ITSN1: variants seen among roughly 807,000 people sequenced by gnomAD.
The protein encoded by ITSN1 is intersectin-1.
ITSN1 carries 58 observed loss-of-function variants against 239.8 expected under a neutral mutation model. The ratio of observed to expected loss-of-function variants is 0.24; its 90% CI spans 0.20 to 0.30. The LOEUF is 0.30. ITSN1 is among the 10% of genes least tolerant of loss of function. The pLI is 1.00. For missense variants in ITSN1, 1,558 were observed against 2,103.3 expected, an observed-to-expected ratio of 0.74 and a Z score of 5.07; for synonymous variants, 780 against 770.8, an observed-to-expected ratio of 1.01 and a Z score of -0.20.
At chr21:33,761,664 C>A (rs1260127504) in intron 8 of ITSN1, among the ~76,000 whole-genome samples, 1 of 152,176 alleles carries the variant, frequency 6.6e-6, no homozygotes, top group Admixed American at 6.5e-5. Context: ...AACTCTAAAT[C>A]TTTCACATGG....
In ITSN1 at chr21:33,826,820, C is replaced by A; in HGVS notation, c.3186C>A (p.Gly1062=). 2 of 1,613,718 alleles carry A rather than the reference C, an allele frequency of 1.2e-6. No individual in the cohort carries two copies. Among genetic ancestry groups the A allele is most frequent in the Non-Finnish European group, 8.5e-7 (1 of 1,179,726 alleles). Residue 1062 remains glycine, a splice_region_variant and synonymous_variant, in exon 26 of 40, where the codon GGC becomes GGA. Coordinates refer to ENST00000381318, the MANE Select transcript of ITSN1 (RefSeq NM_003024.3). ...SNYVRLKDSE[G]SGTAGKTGSL... is the part of the protein sequence containing the mutation. ...GAGACCTTTTGCTCTGTTTTAAGGG[C>A]TCTGGAACTGCTGGGAAAACAGGGA...
At chr21:33,878,006 CTTTGTGTG>C (rs1400788206) in intron 34 of ITSN1, among the ~76,000 whole-genome samples, 1 of 103,262 alleles carries the variant, frequency 9.7e-6, no homozygotes, top group African/African-American at 3.7e-5. Flanking sequence ...TTCTCTCTCT[CTTTGTGTG>C]TGTGTGTGTG....
chr21:33,774,933 CAG>C (rs762326532), intron 13 of ITSN1, 33 bp from the exon 14 acceptor site: 4 of 1,602,268 alleles, frequency 2.5e-6, no homozygotes, highest in East Asian at 4.5e-5. Context: ...CCATTAAAAA[CAG>C]TAATAATTTT....
intron 1 of ITSN1, among the ~76,000 whole-genome samples, chr21:33,700,990 T>TGTGTGTGTGTGTG (rs1375498602): frequency 1.3e-5 from 2 of 149,460 alleles, no homozygotes; most frequent in African/African-American, 5.0e-5. Flanking sequence ...TGTGTGTGTG[T>TGTGTGTGTGTGTG]TTTCTTATAG....
intron 36 of ITSN1, among the ~76,000 whole-genome samples, chr21:33,883,968 C>T (rs897123109): frequency 3.4e-5 from 5 of 145,556 alleles, no homozygotes; most frequent in African/African-American, 1.0e-4. Flanking sequence ...AGTGCAGTCA[C>T]AGCTCACTGC....
intron 1 of ITSN1, among the ~76,000 whole-genome samples, chr21:33,650,189 T>A (rs748565450): frequency 6.6e-6 from 1 of 152,178 alleles, no homozygotes; most frequent in Non-Finnish European, 1.5e-5. Context: ...TTTGATGTGT[T>A]CCTCCTTGCA....
intron 1 of ITSN1, among the ~76,000 whole-genome samples, chr21:33,655,696 G>A (rs2089000112): frequency 6.6e-6 from 1 of 150,702 alleles, no homozygotes; most frequent in Non-Finnish European, 1.5e-5. Context: ...ACCTCCCAAA[G>A]TGCTGGAATT....
At chr21:33,807,584 G>T (rs956920604) in intron 20 of ITSN1, among the ~76,000 whole-genome samples, 1 of 152,112 alleles carries the variant, frequency 6.6e-6, no homozygotes, top group Non-Finnish European at 1.5e-5. Context: ...TTGGCTTCCA[G>T]AAGTGCTGGG....
Position 33,753,501 on chromosome 21 carries a change from G to A in ITSN1, c.623+1595G>A, listed in dbSNP as rs149025033. 2.0e-4 allele frequency among the ~76,000 whole-genome samples: 31 copies of A among 152,066 alleles called. No homozygotes were observed. In the East Asian group the frequency reaches 5.4e-3, roughly 27 times the overall value. Reference sequence around the variant, plus strand: ...TCCTGGGCTGGGTGCAGTGGCTCACGCCTGTAATCCCAGCACTTTGGTAGG... The same window carrying A: ...TCCTGGGCTGGGTGCAGTGGCTCACACCTGTAATCCCAGCACTTTGGTAGG... On this transcript the variant is annotated intron_variant, in intron 7 of 39. Transcript: ENST00000381318.
chr21:33,856,767 G>A lies in ITSN1; in HGVS notation c.3693G>A (p.Leu1231=), dbSNP rs1219873859. The part of the protein sequence containing the change: ...WCSDLHLLDM[L]TPTERKRQGY... ...CAGACTTACATCTCTTGGATATGTT[G>A]ACCCCAACTGAAAGAAAGCGACAAG... The change falls in exon 30 of 40, where the codon TTG becomes TTA. Residue 1231 remains leucine, a synonymous_variant. Transcript: ENST00000381318. The A allele has an allele frequency of 6.2e-7, 1 of 1,613,902 alleles. No homozygotes were observed. The highest frequency in any genetic ancestry group is 1.3e-5 in the African/African-American group (1 of 74,878).
chr21:33,886,507 G>A (rs371936839), intron 39 of ITSN1, 47 bp downstream of exon 39: 126 of 1,460,376 alleles, frequency 8.6e-5, no homozygotes, highest in Middle Eastern at 4.4e-4. Context: ...CCTGGCACTC[G>A]TTTGCGTGGG....
chr21:33,894,159 T>G lies in ITSN1; in HGVS notation c.*5859T>G, dbSNP rs1569356067. 2 of 152,246 alleles carry G rather than the reference T, an allele frequency of 1.3e-5. No homozygotes were observed. The highest frequency in any genetic ancestry group is 2.9e-5 in the Non-Finnish European group (2 of 68,048). 9.4% of individuals were successfully genotyped at this position (152,246 alleles called of 1,614,324 possible). A position where few individuals can be genotyped will look rare whatever the true frequency, so the allele number is the denominator to read the frequency against. On this transcript the variant is annotated 3_prime_UTR_variant, in exon 40 of 40. Coordinates refer to ENST00000381318, the MANE Select transcript of ITSN1 (RefSeq NM_003024.3). ...CAAAAGTGATTGCGGTTTTTGCCAT[T>G]GCTTTTGATGGCAAACTAACTTTAA...
At chr21:33,645,484 AT>A (rs3216560) in intron 1 of ITSN1, among the ~76,000 whole-genome samples, 4 of 151,222 alleles carry the variant, frequency 2.6e-5, no homozygotes, top group South Asian at 2.1e-4. Context: ...CTAAAAAAAA[AT>A]TTTTTTTAAT....
At chr21:33,858,308 A>G (rs1247816784) in intron 30 of ITSN1, among the ~76,000 whole-genome samples, 2 of 152,190 alleles carry the variant, frequency 1.3e-5, no homozygotes, top group Middle Eastern at 6.3e-3. Flanking sequence ...GTCCACAGCC[A>G]CCGGCACCTT....
intron 16 of ITSN1, 31 bp from the exon 17 acceptor site, chr21:33,794,310 G>T: frequency 1.3e-6 from 2 of 1,535,464 alleles, no homozygotes; most frequent in Non-Finnish European, 1.8e-6. Context: ...CACTCATGTC[G>T]CTACATGAAC....
intron 4 of ITSN1, among the ~76,000 whole-genome samples, chr21:33,733,562 C>T (rs1371049706): frequency 2.0e-5 from 3 of 152,086 alleles, no homozygotes. Flanking sequence ...AGTCTTTCAG[C>T]AGTCAGCAGA....
intron 6 of ITSN1, among the ~76,000 whole-genome samples, chr21:33,750,695 TAAGC>T (rs2147475576): frequency 6.6e-6 from 1 of 152,338 alleles, no homozygotes; most frequent in African/African-American, 2.4e-5. Flanking sequence ...GAATTGCTAA[TAAGC>T]AAGCCAATCC....
At chr21:33,856,623 C>T in intron 29 of ITSN1, 113 bp from the exon 30 acceptor site, 1 of 1,479,374 alleles carries the variant, frequency 6.8e-7, no homozygotes. Context: ...GCCCATGACC[C>T]CACTGGACTG....
Position 33,883,602 on chromosome 21 carries a change from A to C in ITSN1, c.4607A>C (p.Asp1536Ala). 2 of 1,613,906 alleles carry C rather than the reference A, an allele frequency of 1.2e-6. No homozygotes were observed. Among genetic ancestry groups the C allele is most frequent in the Non-Finnish European group, 1.7e-6 (2 of 1,179,870 alleles). Residue 1536 changes from aspartate (D) to alanine (A), a missense_variant, in exon 36 of 40, where the codon GAC (aspartate) becomes GCC (alanine). Physicochemically the swap from Asp to Ala is moderately radical, Grantham distance 126 (BLOSUM62 -2). Coordinates refer to ENST00000381318, the MANE Select transcript of ITSN1 (RefSeq NM_003024.3). ...AAATTACCCACCGACCCTTCTGGAG[A>C]CGAGCCCATCTTCCACATCTCCCAC... ...LVKLPTDPSGDEPIFHISHID... is the reference protein window; with the variant it reads ...LVKLPTDPSGAEPIFHISHID...
Sources: allele counts gnomAD v4.1 joint callset (sites outside exome capture counted in the v4.1 genomes callset), GRCh38; gene constraint gnomAD v4.1.1; transcripts MANE v1.5; gene names NCBI Gene and HGNC (gene_info 2026-07-23, HGNC 2026-07-21).